DCLRE1B: variants seen among roughly 807,000 people sequenced by gnomAD.
DCLRE1B encodes the protein 5' exonuclease Apollo.
A neutral mutation model predicts 19.8 loss-of-function variants in DCLRE1B; 6 were observed. The observed-to-expected ratio is 0.30, with a 90% CI of 0.17 to 0.60. The LOEUF is 0.60. DCLRE1B is among the 20% of genes least tolerant of loss of function. The pLI, the probability that DCLRE1B is intolerant of heterozygous loss-of-function variation, is 0.87. For missense variants in DCLRE1B, 622 were observed against 654.2 expected, an observed-to-expected ratio of 0.95 and a Z score of 0.54; for synonymous variants, 258 against 255.7, an observed-to-expected ratio of 1.01 and a Z score of -0.09.
rs769743986 is a variant in DCLRE1B, at chr1:113,905,608, C to T, written c.22C>T (p.His8Tyr). The change falls in exon 1 of 4, where the codon CAT becomes TAT. Residue 8 changes from histidine (H) to tyrosine (Y), a missense_variant. Physicochemically the swap from His to Tyr is moderately conservative, Grantham distance 83 (BLOSUM62 2). This residue lies in a region of DCLRE1B where 237 missense variants were observed against 223.8 expected (regional missense o/e 1.06). Coordinates refer to ENST00000650450, the MANE Select transcript of DCLRE1B (RefSeq NM_022836.4). MNGVLIP[H>Y]TPIAVDFWSL... ...CACCATGAATGGGGTCCTGATCCCC[C>T]ATACGCCCATCGCAGTGGACTTCTG... The T allele has an allele frequency of 6.2e-7, 1 of 1,614,082 alleles. No individual in the cohort carries two copies. The highest frequency in any genetic ancestry group is 8.5e-7 in the Non-Finnish European group (1 of 1,180,042).
At chr1:113,904,798 G>A (rs539344790), upstream of DCLRE1B, 205 of 1,204,396 alleles carry the variant, frequency 1.7e-4, 1 homozygote, top group African/African-American at 2.7e-3. Context: ...GGGAGCCTGA[G>A]TAAAGGAAAT....
chr1:113,911,705 G>A lies in DCLRE1B; in HGVS notation c.1113G>A (p.Lys371=), dbSNP rs1669267543. 6.2e-7 allele frequency: 1 copy of A among 1,613,922 alleles called. No homozygotes were observed. The highest frequency in any genetic ancestry group is 8.5e-7 in the Non-Finnish European group (1 of 1,179,982). The part of the protein sequence containing the change: ...ADQSQADRDS[K]KAKKEKLSPW... ...AATCTCAAGCTGACAGAGACTCAAAGAAGGCCAAGAAAGAGAAACTTTCTC... is the reference window on the plus strand; with the variant it reads ...AATCTCAAGCTGACAGAGACTCAAAAAAGGCCAAGAAAGAGAAACTTTCTC... The change falls in exon 4 of 4, where the codon AAG becomes AAA. Residue 371 remains lysine (K), a synonymous_variant. Transcript: ENST00000650450.
rs558930093 is a variant in DCLRE1B, at chr1:113,907,419, C to A, written c.355+258C>A. Among the ~76,000 whole-genome samples the A allele has an allele frequency of 2.6e-5, 4 of 151,984 alleles. No homozygotes were observed. In the South Asian group the frequency reaches 8.3e-4, roughly 32 times the overall value. On this transcript the variant is annotated intron_variant, in intron 2 of 3. Transcript: ENST00000650450. The stretch of plus-strand genomic sequence containing the variant: ...GGAGGCGCTGGAGGCCTTCTAACTT[C>A]ATCACATATGAGCATAGTGACCCCA...
At position 113,905,570 on chromosome 1, in the gene DCLRE1B, A is replaced by C. The variant is rs1254435948; in HGVS notation, c.-17A>C. On this transcript the variant is annotated 5_prime_UTR_variant, in exon 1 of 4. It removes the in-frame stop codon of an upstream open reading frame in the 5' UTR. Coordinates refer to ENST00000650450, the MANE Select transcript of DCLRE1B (RefSeq NM_022836.4). ...CCCCGTGGAGAAGATCCCACTGGTG[A>C]CTCCAACCCTACCACCATGAATGGG... 1 of 1,611,282 alleles carries C rather than the reference A, an allele frequency of 6.2e-7. No individual in the cohort carries two copies. Among genetic ancestry groups the C allele is most frequent in the Admixed American group, 1.7e-5 (1 of 59,098 alleles).
intron 2 of DCLRE1B, 54 bp downstream of exon 2, chr1:113,907,215 T>TTG (rs1669063284): frequency 2.7e-6 from 3 of 1,101,306 alleles, no homozygotes; most frequent in African/African-American, 4.0e-5. Flanking sequence ...TTTTTTTTTT[T>TTG]TTTTTTTTTT....
chr1:113,910,874 A>G (rs544418162), intron 3 of DCLRE1B, among the ~76,000 whole-genome samples: 1 of 152,118 alleles, frequency 6.6e-6, no homozygotes, highest in African/African-American at 2.4e-5. Context: ...GAGGACTGAC[A>G]GTTTTCTTTA....
At position 113,911,121 on chromosome 1, in the gene DCLRE1B, C is replaced by T. The variant is rs1266557198; in HGVS notation, c.539-10C>T. The T allele has an allele frequency of 1.3e-6, 2 of 1,599,566 alleles. No homozygotes were observed. The highest frequency in any genetic ancestry group is 1.7e-6 in the Non-Finnish European group (2 of 1,173,270). ...CTCTTACTTTCCCCAATACATTGAA[C>T]ATTATTTAGGACTCTACAGCCTGGG... On this transcript the variant is annotated splice_polypyrimidine_tract_variant and intron_variant, in intron 3 of 3. Coordinates refer to ENST00000650450, the MANE Select transcript of DCLRE1B (RefSeq NM_022836.4).
In DCLRE1B at chr1:113,907,053, G is replaced by A. The variant is rs369471152; in HGVS notation, c.247G>A (p.Asp83Asn). Residue 83 changes from aspartate (D) to asparagine (N), a missense_variant, in exon 2 of 4, where the codon GAT (aspartate) becomes AAT (asparagine). Transcript: ENST00000650450. ...EVGESHVLPL[D>N]EIGQETMTVT... ...TGGTGAGAGCCATGTATTACCCCTA[G>A]ATGAAATTGGACAAGAGACCATGAC... The A allele has an allele frequency of 1.1e-4, 170 of 1,613,872 alleles. No individual in the cohort carries two copies. Among genetic ancestry groups the A allele is most frequent in the Non-Finnish European group, 1.4e-4 (161 of 1,180,010 alleles).
In DCLRE1B at chr1:113,906,495, C is replaced by CT. The variant is rs142277855; in HGVS notation, c.190-488dup. Reference sequence around the variant, plus strand: ...TGCTGACTAGACTGTTTGCTGAACTCTTTTTTTTTTTTTGAGATGGAGTCT... The same window carrying CT: ...TGCTGACTAGACTGTTTGCTGAACTCTTTTTTTTTTTTTTGAGATGGAGTCT... On this transcript the variant is annotated intron_variant, in intron 1 of 3. Coordinates refer to ENST00000650450, the MANE Select transcript of DCLRE1B (RefSeq NM_022836.4). Among the ~76,000 whole-genome samples the CT allele has an allele frequency of 6.7e-3, 952 of 141,628 alleles. 13 individuals carry two copies. The highest frequency in any genetic ancestry group is 0.021 in the South Asian group (94 of 4,464). 92.9% of individuals were successfully genotyped at this position (141,628 alleles called of 152,430 possible). A position where few individuals can be genotyped will look rare whatever the true frequency, so the allele number is the denominator to read the frequency against.
Position 113,908,044 on chromosome 1 carries a change from C to A in DCLRE1B, c.391C>A (p.Pro131Thr), listed in dbSNP as rs1235919517. The stretch of plus-strand genomic sequence containing the variant: ...ATACACACCATCCATGCTAAAGGAG[C>A]CAGCCCTGACACTGGGGAAACAGAT... ...FRYTPSMLKE[P>T]ALTLGKQIHT... is the part of the protein sequence containing the mutation. The change falls in exon 3 of 4, where the codon CCA (proline) becomes ACA (threonine). Residue 131 changes from proline to threonine, a missense_variant. Physicochemically the swap from Pro to Thr is conservative, Grantham distance 38. Around this residue, in one of 3 missense-constraint regions of DCLRE1B, gnomAD observed 237 missense variants for 223.8 expected, o/e 1.06. Transcript: ENST00000650450. The A allele has an allele frequency of 6.2e-7, 1 of 1,614,090 alleles. No individual in the cohort carries two copies. Among genetic ancestry groups the A allele is most frequent in the Non-Finnish European group, 8.5e-7 (1 of 1,179,990 alleles).
chr1:113,905,444 T>G lies in DCLRE1B; in HGVS notation c.-143T>G. ...TTTTCTGCCCACTCTGGTAACTTAT[T>G]GCTCTGCTGGGCTCTTTCCCTTAGG... On this transcript the variant is annotated 5_prime_UTR_variant, in exon 1 of 4. The change creates a new upstream start codon in the 5' untranslated region. Transcript: ENST00000650450. The G allele has an allele frequency of 1.2e-6, 1 of 807,500 alleles. No homozygotes were observed. Among genetic ancestry groups the G allele is most frequent in the Admixed American group, 2.5e-5 (1 of 40,052 alleles). 50.0% of individuals were successfully genotyped at this position (807,500 alleles called of 1,614,324 possible).
chr1:113,909,919 A>C (rs751884595), intron 3 of DCLRE1B, among the ~76,000 whole-genome samples: 1 of 152,214 alleles, frequency 6.6e-6, no homozygotes, highest in Non-Finnish European at 1.5e-5. Context: ...ATAATCAGGA[A>C]TAAAGTGGAT....
chr1:113,904,908 C>G, upstream of DCLRE1B: 1 of 603,058 alleles, frequency 1.7e-6, no homozygotes. Flanking sequence ...CTCCGCGACA[C>G]CGCGAGCCCC....
chr1:113,910,655 A>G (rs1669219783), intron 3 of DCLRE1B, among the ~76,000 whole-genome samples: 1 of 151,910 alleles, frequency 6.6e-6, no homozygotes. Flanking sequence ...GCGTGCACCA[A>G]CATGCTTATT....
At position 113,912,137 on chromosome 1, in the gene DCLRE1B, G is replaced by T. The variant is rs941998508; in HGVS notation, c.1545G>T (p.Gly515=). 10 of 1,614,122 alleles carry T rather than the reference G, an allele frequency of 6.2e-6. No homozygotes were observed. The Middle Eastern group carries it at 8.2e-4, about 133-fold the overall frequency. ...LLTPVNFFQA[G]YSSRRFDQQV... is the part of the protein sequence containing the mutation. The stretch of plus-strand genomic sequence containing the variant: ...CTCCAGTGAACTTTTTCCAGGCAGG[G>T]TATTCTTCCAGGAGATTTGACCAGC... Residue 515 remains glycine (G), a synonymous_variant, in exon 4 of 4, where the codon GGG becomes GGT. Coordinates refer to ENST00000650450, the MANE Select transcript of DCLRE1B (RefSeq NM_022836.4).
intron 3 of DCLRE1B, among the ~76,000 whole-genome samples, chr1:113,908,532 C>T (rs1669129048): frequency 6.6e-6 from 1 of 152,086 alleles, no homozygotes; most frequent in African/African-American, 2.4e-5. Context: ...TGCCTGGGTC[C>T]AGTAGGAGGT....
chr1:113,912,354 G>A lies in DCLRE1B; in HGVS notation c.*163G>A. 1 of 614,034 alleles carries A rather than the reference G, an allele frequency of 1.6e-6. No individual in the cohort carries two copies. The highest frequency in any genetic ancestry group is 2.7e-6 in the Non-Finnish European group (1 of 374,068). The allele number at this position is 614,034 out of a possible 1,614,324, so 38.0% of individuals were successfully genotyped here. A position where few individuals can be genotyped will look rare whatever the true frequency, so the allele number is the denominator to read the frequency against. ...CAGCACTTCCCAAAACTTGTTCACT[G>A]GGGTCCTCGTGCCTATGGAATCCTT... On this transcript the variant is annotated 3_prime_UTR_variant, in exon 4 of 4. Transcript: ENST00000650450.
rs1390167180 is a variant in DCLRE1B, at chr1:113,912,609, A to G, written c.*418A>G. 6.4e-6 allele frequency: 1 copy of G among 156,494 alleles called. No homozygotes were observed. The allele number at this position is 156,494 out of a possible 1,614,324, so 9.7% of individuals were successfully genotyped here. A position where few individuals can be genotyped will look rare whatever the true frequency, so the allele number is the denominator to read the frequency against. ...ATTGCTGTTGCTGTTTTGTGGTGTCATGAGCCATTCTCCATGTCCCCTTCT... is the reference window on the plus strand; with the variant it reads ...ATTGCTGTTGCTGTTTTGTGGTGTCGTGAGCCATTCTCCATGTCCCCTTCT... On this transcript the variant is annotated 3_prime_UTR_variant, in exon 4 of 4. Coordinates refer to ENST00000650450, the MANE Select transcript of DCLRE1B (RefSeq NM_022836.4).
chr1:113,908,898 G>C (rs1025403956), intron 3 of DCLRE1B, among the ~76,000 whole-genome samples: 2 of 152,158 alleles, frequency 1.3e-5, no homozygotes, highest in Non-Finnish European at 2.9e-5. Context: ...GCAGCAGTCA[G>C]TATGACAGGC....
Sources: gnomAD v4.1 joint callset for allele counts (sites outside exome capture counted in the v4.1 genomes callset) on GRCh38, gnomAD v4.1.1 for gene constraint, gnomAD v4.1.1 regional missense constraint, MANE v1.5 for transcripts, NCBI Gene and HGNC (gene_info 2026-07-23, HGNC 2026-07-21) for gene names.